AGBL4: variants seen among roughly 807,000 people sequenced by gnomAD.
The protein encoded by AGBL4 is cytosolic carboxypeptidase 6.
Under a neutral mutation model 66.4 loss-of-function variants are expected in AGBL4, and 58 were observed. The ratio of observed to expected loss-of-function variants is 0.87; its 90% CI spans 0.71 to 1.09. The LOEUF (loss-of-function observed/expected upper bound fraction) is 1.09. AGBL4 is among the 50% of genes least tolerant of loss of function. The pLI, the probability that AGBL4 is intolerant of heterozygous loss-of-function variation, is 0.00. For missense variants in AGBL4, 579 were observed against 631.0 expected (o/e 0.92, Z 0.88); for synonymous variants, 234 against 222.9 (o/e 1.05, Z -0.44).
intron 2 of AGBL4, among the ~76,000 whole-genome samples, chr1:49,765,170 C>T (rs1489341359): frequency 6.6e-6 from 1 of 152,090 alleles, no homozygotes; most frequent in South Asian, 2.1e-4. Flanking sequence ...TCCAGCCATT[C>T]CAAGGCTCGG....
intron 3 of AGBL4, among the ~76,000 whole-genome samples, chr1:49,478,129 G>A (rs1170144914): frequency 6.6e-6 from 1 of 151,858 alleles, no homozygotes; most frequent in Non-Finnish European, 1.5e-5. Context: ...AGGAGGTAGA[G>A]AAAAGATAGA....
At chr1:49,092,641 A>G (rs574364682) in intron 4 of AGBL4, among the ~76,000 whole-genome samples, 159 of 152,216 alleles carry the variant, frequency 1.0e-3, no homozygotes, top group Non-Finnish European at 1.9e-3. Context: ...TTCTCCTTCT[A>G]CCATCATTAT....
intron 2 of AGBL4, among the ~76,000 whole-genome samples, chr1:49,815,151 C>T (rs1176152970): frequency 1.1e-4 from 17 of 152,158 alleles, no homozygotes; most frequent in Admixed American, 1.0e-3. Context: ...CCTTAACCAG[C>T]CTCACTGACC....
intron 1 of AGBL4, among the ~76,000 whole-genome samples, chr1:49,924,691 A>G (rs1443102647): frequency 1.3e-5 from 2 of 152,144 alleles, no homozygotes; most frequent in African/African-American, 2.4e-5. Flanking sequence ...TTTAATCCTC[A>G]TATCTCCCAC....
At chr1:49,552,152 G>A (rs557360060) in intron 3 of AGBL4, among the ~76,000 whole-genome samples, 26 of 152,228 alleles carry the variant, frequency 1.7e-4, no homozygotes, top group South Asian at 1.4e-3. Context: ...CACTCCCACC[G>A]TGCCCTCACA....
chr1:48,586,978 C>T, intron 11 of AGBL4, 26 bp downstream of exon 11: 1 of 1,608,816 alleles, frequency 6.2e-7, no homozygotes, highest in Non-Finnish European at 8.5e-7. Flanking sequence ...AGGGCTGGCC[C>T]AAGGCTGGGT....
intron 6 of AGBL4, among the ~76,000 whole-genome samples, chr1:48,824,683 G>C (rs980138119): frequency 1.3e-5 from 2 of 152,168 alleles, no homozygotes; most frequent in African/African-American, 4.8e-5. Flanking sequence ...AGAACAACTA[G>C]GGGTAAAAAG....
intron 1 of AGBL4, among the ~76,000 whole-genome samples, chr1:49,888,547 A>C (rs1648303285): frequency 1.3e-5 from 2 of 152,202 alleles, no homozygotes; most frequent in Non-Finnish European, 1.5e-5. Flanking sequence ...TTAATTAATA[A>C]ATAAGAGTTA....
chr1:49,487,312 A>T (rs1194370544), intron 3 of AGBL4, among the ~76,000 whole-genome samples: 4 of 151,964 alleles, frequency 2.6e-5, no homozygotes, highest in Admixed American at 6.6e-5. Flanking sequence ...ATCTTATTTT[A>T]TCCTCATGAC....
At chr1:48,847,707 T>C (rs995201870) in intron 6 of AGBL4, among the ~76,000 whole-genome samples, 3 of 152,234 alleles carry the variant, frequency 2.0e-5, no homozygotes, top group African/African-American at 7.2e-5. Flanking sequence ...GTGTCTTTTT[T>C]ATCTCTTTAT....
chr1:49,829,581 A>G (rs185363605), intron 2 of AGBL4, among the ~76,000 whole-genome samples: 299 of 152,304 alleles, frequency 2.0e-3, no homozygotes, highest in Middle Eastern at 3.4e-3. Flanking sequence ...TTCCATTTTT[A>G]CTGGAAATCT....
At chr1:49,008,527 C>G (rs1011532038) in intron 5 of AGBL4, among the ~76,000 whole-genome samples, 2 of 148,494 alleles carry the variant, frequency 1.3e-5, no homozygotes, top group Admixed American at 1.4e-4. Context: ...CCAAGCGGAC[C>G]TAATAGACAT....
At chr1:48,557,156 C>T (rs1001367079) in intron 11 of AGBL4, among the ~76,000 whole-genome samples, 1 of 152,138 alleles carries the variant, frequency 6.6e-6, no homozygotes, top group East Asian at 1.9e-4. Flanking sequence ...GCTTTGTTCA[C>T]CATAATTTCC....
chr1:49,537,941 A>G (rs1394331440), intron 3 of AGBL4, among the ~76,000 whole-genome samples: 4 of 151,934 alleles, frequency 2.6e-5, no homozygotes. Flanking sequence ...AAAAAAAAAA[A>G]GTCAACAGAT....
chr1:49,109,919 T>C (rs1645372413), intron 4 of AGBL4, among the ~76,000 whole-genome samples: 1 of 152,034 alleles, frequency 6.6e-6, no homozygotes, highest in Non-Finnish European at 1.5e-5. Flanking sequence ...GAATGAATAA[T>C]AAAAAAAACT....
intron 3 of AGBL4, among the ~76,000 whole-genome samples, chr1:49,525,049 T>G (rs1308434998): frequency 6.6e-6 from 1 of 152,058 alleles, no homozygotes; most frequent in Non-Finnish European, 1.5e-5. Flanking sequence ...ATGGAAACAA[T>G]AATATGTACC....
chr1:48,616,850 T>C (rs1645326943), intron 9 of AGBL4, among the ~76,000 whole-genome samples: 1 of 152,218 alleles, frequency 6.6e-6, no homozygotes, highest in Non-Finnish European at 1.5e-5. Flanking sequence ...GATAAACAGC[T>C]CCTCTACATG....
At chr1:49,360,486 AT>A (rs1390071429) in intron 3 of AGBL4, among the ~76,000 whole-genome samples, 5 of 152,214 alleles carry the variant, frequency 3.3e-5, no homozygotes, top group Admixed American at 3.3e-4. Context: ...AAGCTGGTGA[AT>A]TTAATTAAAA....
intron 4 of AGBL4, among the ~76,000 whole-genome samples, chr1:49,219,090 C>T (rs1381585587): frequency 6.6e-6 from 1 of 152,098 alleles, no homozygotes; most frequent in Non-Finnish European, 1.5e-5. Flanking sequence ...CCATGGCTGG[C>T]TCCTAAAACA....
Sources: allele counts gnomAD v4.1 joint callset (sites outside exome capture counted in the v4.1 genomes callset), GRCh38; gene constraint gnomAD v4.1.1; transcripts MANE v1.5; gene names NCBI Gene and HGNC (gene_info 2026-07-23, HGNC 2026-07-21).